ZNF341: variants seen among roughly 807,000 people sequenced by gnomAD.
ZNF341 encodes the protein zinc finger protein 341.
Under a neutral mutation model 87.7 loss-of-function variants are expected in ZNF341, and 52 were observed. The observed-to-expected ratio is 0.59, with a 90% CI of 0.47 to 0.75. The LOEUF (loss-of-function observed/expected upper bound fraction) is 0.75, where lower values mean the gene tolerates loss of function less well. Ranked by LOEUF, ZNF341 falls within the 30% of genes least tolerant of loss-of-function variation. The probability of loss-of-function intolerance (pLI) is 0.00; values close to 1 mark genes in which losing one functional copy is unlikely to be tolerated. For synonymous variants in ZNF341, 459 were observed against 472.7 expected, an observed-to-expected ratio of 0.97 and a Z score of 0.38; for missense variants, 977 against 1,145.9, an observed-to-expected ratio of 0.85 and a Z score of 2.13.
intron 1 of ZNF341, among the ~76,000 whole-genome samples, chr20:33,739,656 G>C (rs1405188418): frequency 6.6e-6 from 1 of 152,220 alleles, no homozygotes; most frequent in Non-Finnish European, 1.5e-5. Flanking sequence ...TGTGGGGTTT[G>C]GGGAGTGTGC....
chr20:33,774,758 A>G (rs2019597211), intron 10 of ZNF341, among the ~76,000 whole-genome samples: 2 of 152,180 alleles, frequency 1.3e-5, no homozygotes, highest in African/African-American at 4.8e-5. Flanking sequence ...ACTTGAGGCC[A>G]GGAGTTCAAA....
rs542530329 is a variant in ZNF341, at chr20:33,778,530, C to G, written c.1623-2761C>G. ...TTCTCCATGTTGGCCAGGTTGGTCT[C>G]GAACTCCTGACCTTAAGTGATCCGC... On this transcript the variant is annotated intron_variant, in intron 10 of 14. Coordinates refer to ENST00000375200, the MANE Select transcript of ZNF341 (RefSeq NM_001282933.2). Among the ~76,000 whole-genome samples, 66 of 152,204 alleles carry G rather than the reference C, an allele frequency of 4.3e-4. 2 individuals carry two copies. The South Asian group carries it at 0.013, about 31-fold the overall frequency.
intron 4 of ZNF341, 109 bp from the exon 5 acceptor site, chr20:33,753,063 G>A: frequency 6.6e-7 from 1 of 1,504,700 alleles, no homozygotes; most frequent in South Asian, 1.2e-5. Context: ...GAGCTGTCTG[G>A]TAAGTAGCTG....
At chr20:33,777,623 GAC>G (rs2019655448) in intron 10 of ZNF341, among the ~76,000 whole-genome samples, 1 of 145,284 alleles carries the variant, frequency 6.9e-6, no homozygotes. Context: ...GACAGAGCGA[GAC>G]TCTTGTCTCA....
Position 33,791,484 on chromosome 20 carries a change from C to G in ZNF341, c.2532C>G (p.Leu844=). ...QAGAEGPCAM[L]AVPVYIQASE is the part of the protein sequence containing the mutation. ...GGGCCGAGGGCCCATGTGCCATGCTCGCTGTGCCCGTCTACATCCAGGCCT... is the reference window on the plus strand; with the variant it reads ...GGGCCGAGGGCCCATGTGCCATGCTGGCTGTGCCCGTCTACATCCAGGCCT... The change falls in exon 15 of 15, where the codon CTC becomes CTG. Residue 844 remains leucine, a synonymous_variant. Transcript: ENST00000375200. 6.3e-7 allele frequency: 1 copy of G among 1,584,284 alleles called. No homozygotes were observed. The highest frequency in any genetic ancestry group is 1.1e-5 in the South Asian group (1 of 88,916).
At chr20:33,748,374 C>A (rs963380621) in intron 3 of ZNF341, among the ~76,000 whole-genome samples, 4 of 152,022 alleles carry the variant, frequency 2.6e-5, no homozygotes, top group Non-Finnish European at 4.4e-5. Context: ...CTGGCTGATA[C>A]AAGGAAGTAT....
At position 33,790,974 on chromosome 20, in the gene ZNF341, C is replaced by T. The variant is rs757427648; in HGVS notation, c.2036-14C>T. On this transcript the variant is annotated splice_polypyrimidine_tract_variant and intron_variant, in intron 14 of 14. Transcript: ENST00000375200. ...GGTCTGGATGCTTCTCACTGACTTTCCCTTGCCCTCCAGGCATGAAGCTCC... is the reference window on the plus strand; with the variant it reads ...GGTCTGGATGCTTCTCACTGACTTTTCCTTGCCCTCCAGGCATGAAGCTCC... 2.7e-5 allele frequency: 44 copies of T among 1,602,292 alleles called. No homozygotes were observed. The highest frequency in any genetic ancestry group is 3.7e-5 in the Non-Finnish European group (43 of 1,173,636).
chr20:33,786,652 G>A (rs2019869937), intron 12 of ZNF341, among the ~76,000 whole-genome samples: 1 of 152,076 alleles, frequency 6.6e-6, no homozygotes, highest in South Asian at 2.1e-4. Flanking sequence ...GCTCTTTATG[G>A]CTTTTAAAAA....
intron 11 of ZNF341, 59 bp from the exon 12 acceptor site, chr20:33,783,673 A>C: frequency 6.2e-7 from 1 of 1,611,436 alleles, no homozygotes; most frequent in East Asian, 2.2e-5. Context: ...TGAGTTCAGA[A>C]GATGGCCAGG....
rs750618886 is a variant in ZNF341, at chr20:33,741,270, C to G, written c.142+258C>G. Among the ~76,000 whole-genome samples, 158 of 152,134 alleles carry G rather than the reference C, an allele frequency of 1.0e-3. 1 individual carries two copies. Among genetic ancestry groups the G allele is most frequent in the Non-Finnish European group, 2.1e-3 (140 of 68,028 alleles). ...AAGATGCAGGGAATGGCTAAGGGCC[C>G]CAATGCCTGACAACAATGCCTGTGC... On this transcript the variant is annotated intron_variant, in intron 2 of 14. Coordinates refer to ENST00000375200, the MANE Select transcript of ZNF341 (RefSeq NM_001282933.2).
At chr20:33,755,033 C>G (rs895290123) in intron 5 of ZNF341, among the ~76,000 whole-genome samples, 3 of 151,248 alleles carry the variant, frequency 2.0e-5, no homozygotes, top group Non-Finnish European at 3.0e-5. Context: ...ACCTCCACCT[C>G]TCAGGTTCAA....
Position 33,770,180 on chromosome 20 carries a change from C to G in ZNF341, c.1510C>G (p.Arg504Gly). ...GAGCCACCAGGAGGAGCTGAGCTAC[C>G]GCTGCCACCTCTGCGGCAAGGACTT... ...IKSHQEELSYRCHLCGKDFPS... is the reference protein window; with the variant it reads ...IKSHQEELSYGCHLCGKDFPS... Residue 504 changes from arginine to glycine, a missense_variant, in exon 10 of 15, where the codon CGC becomes GGC. By Grantham distance (125) the Arg-to-Gly change is moderately radical. Transcript: ENST00000375200. 1 of 1,614,180 alleles carries G rather than the reference C, an allele frequency of 6.2e-7. No homozygotes were observed. The highest frequency in any genetic ancestry group is 1.1e-5 in the South Asian group (1 of 91,084).
At chr20:33,775,888 C>A (rs563726058) in intron 10 of ZNF341, among the ~76,000 whole-genome samples, 94 of 150,928 alleles carry the variant, frequency 6.2e-4, no homozygotes, top group Non-Finnish European at 1.2e-3. Context: ...TTTGTAGAGA[C>A]AGGGTCTTGC....
At chr20:33,772,103 T>C (rs144066458) in intron 10 of ZNF341, among the ~76,000 whole-genome samples, 72 of 151,136 alleles carry the variant, frequency 4.8e-4, no homozygotes, top group African/African-American at 1.7e-3. Flanking sequence ...TCTGCCTCAG[T>C]TGTTTTCTGG....
Position 33,732,268 on chromosome 20 carries a change from C to G in ZNF341, c.31+216C>G, listed in dbSNP as rs1407320789. ...GCCGGAACAGCCGGGGAGAGCCAGG[C>G]CGGCGGGGAGGGGGCTCGGGTCCGG... On this transcript the variant is annotated intron_variant, in intron 1 of 14. Coordinates refer to ENST00000375200, the MANE Select transcript of ZNF341 (RefSeq NM_001282933.2). This position sits in a 1 kb window ranked among gnomAD's most constrained non-coding sequence, Gnocchi z 4.5. 6.7e-6 allele frequency among the ~76,000 whole-genome samples: 1 copy of G among 149,888 alleles called. No homozygotes were observed. Among genetic ancestry groups the G allele is most frequent in the Admixed American group, 6.6e-5 (1 of 15,080 alleles).
At chr20:33,753,518 T>G in intron 5 of ZNF341, 95 bp downstream of exon 5, 15 of 1,428,478 alleles carry the variant, frequency 1.1e-5, no homozygotes, top group Non-Finnish European at 1.4e-5. Context: ...CCAGACACTG[T>G]GCTGGGGATA....
chr20:33,784,815 C>T, intron 12 of ZNF341, among the ~76,000 whole-genome samples: 1 of 152,010 alleles, frequency 6.6e-6, no homozygotes, highest in Non-Finnish European at 1.5e-5. Flanking sequence ...AGGGTTTTGC[C>T]ATGTTGGCCA....
chr20:33,782,863 A>G (rs2019771501), intron 11 of ZNF341, among the ~76,000 whole-genome samples: 1 of 152,144 alleles, frequency 6.6e-6, no homozygotes, highest in Non-Finnish European at 1.5e-5. Flanking sequence ...ATTACCTTTC[A>G]TACAAAAATT....
chr20:33,745,682 A>C (rs1440644706), intron 3 of ZNF341, among the ~76,000 whole-genome samples: 3 of 152,166 alleles, frequency 2.0e-5, no homozygotes, highest in African/African-American at 7.2e-5. Flanking sequence ...GCAGTTACTT[A>C]AATAAGTAGG....
Sources: allele counts gnomAD v4.1 joint callset (sites outside exome capture counted in the v4.1 genomes callset), GRCh38; gene constraint gnomAD v4.1.1; non-coding constraint Gnocchi (gnomAD v3.1); transcripts MANE v1.5; gene names NCBI Gene and HGNC (gene_info 2026-07-23, HGNC 2026-07-21).